NPAT: variants seen among roughly 807,000 people sequenced by gnomAD.
NPAT encodes nuclear protein, coactivator of histone transcription, also known as protein NPAT.
Under a neutral mutation model 130.7 loss-of-function variants are expected in NPAT, and 52 were observed. The ratio of observed to expected loss-of-function variants is 0.40; its 90% confidence interval spans 0.32 to 0.50. NPAT has a LOEUF of 0.50. Among genes scored for constraint, NPAT ranks in the 20% least tolerant of loss-of-function variants. NPAT has a pLI of 0.68. For missense variants in NPAT, 1,687 were observed against 1,662.6 expected (o/e 1.01, Z -0.26); for synonymous variants, 580 against 584.8 (o/e 0.99, Z 0.12).
intron 1 of NPAT, among the ~76,000 whole-genome samples, chr11:108,205,285 G>A (rs1375412077): frequency 6.6e-6 from 1 of 152,220 alleles, no homozygotes; most frequent in African/African-American, 2.4e-5. Context: ...TTTTGAGACA[G>A]CGTTTCACTC....
At chr11:108,214,487 T>C (rs1375408347) in intron 1 of NPAT, among the ~76,000 whole-genome samples, 1 of 152,078 alleles carries the variant, frequency 6.6e-6, no homozygotes, top group African/African-American at 2.4e-5. Context: ...AGGATTCTCT[T>C]TGGAGTGATG....
chr11:108,178,146 C>T (rs1269570301), intron 10 of NPAT, among the ~76,000 whole-genome samples: 8 of 152,140 alleles, frequency 5.3e-5, no homozygotes, highest in Admixed American at 2.6e-4. Flanking sequence ...ATGTAAAATG[C>T]TTTCCTTAAA....
chr11:108,215,157 T>C (rs1490978213), intron 1 of NPAT, among the ~76,000 whole-genome samples: 1 of 152,242 alleles, frequency 6.6e-6, no homozygotes, highest in Non-Finnish European at 1.5e-5. Context: ...CTTCACAGTT[T>C]AGTATAATTA....
intron 2 of NPAT, among the ~76,000 whole-genome samples, chr11:108,196,422 C>G (rs977338949): frequency 6.6e-6 from 1 of 152,156 alleles, no homozygotes; most frequent in African/African-American, 2.4e-5. Context: ...TTAGGCTATT[C>G]TAGTTTCTTT....
Position 108,172,734 on chromosome 11 carries a change from A to C in NPAT, c.2250T>G (p.Val750=). 2.5e-6 allele frequency: 4 copies of C among 1,613,580 alleles called. No homozygotes were observed. In the South Asian group the frequency reaches 4.4e-5, roughly 18 times the overall value. The change falls in exon 13 of 18, where the codon GTT becomes GTG. Residue 750 remains valine, a synonymous_variant. Transcript: ENST00000278612. ...CACTGGTAAGTTCAGTATCTGAGGAAACAAATGGATCATCACTAATGATAA... is the reference window on the plus strand; with the variant it reads ...CACTGGTAAGTTCAGTATCTGAGGACACAAATGGATCATCACTAATGATAA... The part of the protein sequence containing the change: ...LKVIISDDPF[V]SSDTELTSAV...
chr11:108,193,253 G>T (rs778606208), intron 3 of NPAT, among the ~76,000 whole-genome samples: 11 of 152,126 alleles, frequency 7.2e-5, no homozygotes, highest in Non-Finnish European at 1.5e-4. Context: ...TTCAGACTTA[G>T]ACTACATAGA....
chr11:108,192,201 G>C lies in NPAT; in HGVS notation c.218-11C>G. 4 of 1,565,410 alleles carry C rather than the reference G, an allele frequency of 2.6e-6. No individual in the cohort carries two copies. Among genetic ancestry groups the C allele is most frequent in the Non-Finnish European group, 3.5e-6 (4 of 1,136,004 alleles). On this transcript the variant is annotated splice_polypyrimidine_tract_variant and intron_variant, in intron 3 of 17. Coordinates refer to ENST00000278612, the MANE Select transcript of NPAT (RefSeq NM_002519.3). ...CATTATTTGATGTTTCTAAATCATA[G>C]GAGAAAAGGTTCTTAATAAACCCAG...
chr11:108,186,595 T>G, intron 7 of NPAT, 26 bp from the exon 8 acceptor site: 2 of 1,549,610 alleles, frequency 1.3e-6, no homozygotes. Flanking sequence ...AAAGCTTTTC[T>G]TTTAACCACT....
At chr11:108,220,749 C>T (rs1330363589) in intron 1 of NPAT, among the ~76,000 whole-genome samples, 1 of 152,110 alleles carries the variant, frequency 6.6e-6, no homozygotes, top group Non-Finnish European at 1.5e-5. Flanking sequence ...TATACTCCTG[C>T]CCATCTGAAA....
At chr11:108,215,115 T>G (rs1426468253) in intron 1 of NPAT, among the ~76,000 whole-genome samples, 1 of 152,248 alleles carries the variant, frequency 6.6e-6, no homozygotes, top group Non-Finnish European at 1.5e-5. Flanking sequence ...GGGCAGCTAA[T>G]CTTTTCTTAA....
intron 2 of NPAT, among the ~76,000 whole-genome samples, chr11:108,195,123 G>A (rs1217870519): frequency 6.6e-6 from 1 of 151,880 alleles, no homozygotes; most frequent in Non-Finnish European, 1.5e-5. Context: ...CACTTAGCCT[G>A]TTTTCAGTTT....
chr11:108,197,566 C>T lies in NPAT; in HGVS notation c.38-146G>A. On this transcript the variant is annotated intron_variant, in intron 1 of 17. Transcript: ENST00000278612. ...AGTGTTTGGCAGCCTTGAACAGAAA[C>T]ACCAGGTTGTGCTGCAATACAAAGT... 3 of 685,738 alleles carry T rather than the reference C, an allele frequency of 4.4e-6. No individual in the cohort carries two copies. In the Middle Eastern group the frequency reaches 7.4e-4, roughly 169 times the overall value. 42.5% of individuals were successfully genotyped at this position (685,738 alleles called of 1,614,324 possible).
intron 15 of NPAT, among the ~76,000 whole-genome samples, chr11:108,165,208 T>C (rs2077889763): frequency 6.6e-6 from 1 of 152,050 alleles, no homozygotes; most frequent in Non-Finnish European, 1.5e-5. Flanking sequence ...TGTCTTTTGT[T>C]GAACAGAAAC....
At position 108,191,667 on chromosome 11, in the gene NPAT, T is replaced by C. The variant is rs768981390; in HGVS notation, c.290+451A>G. Among the ~76,000 whole-genome samples the C allele has an allele frequency of 3.9e-5, 6 of 152,308 alleles. No individual in the cohort carries two copies. The South Asian group carries it at 6.2e-4, about 16-fold the overall frequency. On this transcript the variant is annotated intron_variant, in intron 4 of 17. Transcript: ENST00000278612. ...TTTCATAACAAATTCTATAGTCAAA[T>C]ATGAGATTTTCATAAAATTGATAAC... is the stretch of plus-strand genomic sequence containing the variant.
intron 1 of NPAT, chr11:108,208,308 C>T (rs2078348662): frequency 6.0e-6 from 2 of 331,088 alleles, no homozygotes; most frequent in Non-Finnish European, 1.2e-5. Flanking sequence ...AAAGGTCAAT[C>T]CACAAAAAGA....
chr11:108,206,052 C>A lies in NPAT; in HGVS notation c.38-8632G>T, dbSNP rs187340136. On this transcript the variant is annotated intron_variant, in intron 1 of 17. Transcript: ENST00000278612. ...AGAGCGAGACCCTGTCTCAAAAATA[C>A]ATAAATAAATAAATAAAAATAAAAT... 2.2e-4 allele frequency among the ~76,000 whole-genome samples: 33 copies of A among 152,202 alleles called. 2 individuals carry two copies. The East Asian group carries it at 5.2e-3, about 24-fold the overall frequency.
chr11:108,204,591 G>C (rs2078308277), intron 1 of NPAT, among the ~76,000 whole-genome samples: 1 of 152,166 alleles, frequency 6.6e-6, no homozygotes, highest in Non-Finnish European at 1.5e-5. Flanking sequence ...GGTGGGAAAG[G>C]GGCTATAACA....
At chr11:108,216,660 C>T (rs2078438270) in intron 1 of NPAT, among the ~76,000 whole-genome samples, 1 of 125,686 alleles carries the variant, frequency 8.0e-6, no homozygotes, top group Non-Finnish European at 1.7e-5. Context: ...AACCTGGAAT[C>T]ATTACAGATA....
At chr11:108,165,472 A>ATTT (rs377194780) in intron 15 of NPAT, among the ~76,000 whole-genome samples, 4,026 of 129,640 alleles carry the variant, frequency 0.031, 97 homozygotes, top group African/African-American at 0.068. Flanking sequence ...ATATATATAT[A>ATTT]TTTTTTTTTT....
Sources: gnomAD v4.1 joint callset for allele counts (sites outside exome capture counted in the v4.1 genomes callset) on GRCh38, gnomAD v4.1.1 for gene constraint, MANE v1.5 for transcripts, NCBI Gene and HGNC (gene_info 2026-07-23, HGNC 2026-07-21) for gene names.